The following CADM2 variants were observed in gnomAD, a reference collection of about 807,000 sequenced individuals.
CADM2 encodes the protein immunoglobulin superfamily member 4D.
In CADM2, 12 loss-of-function variants were observed where a neutral mutation model predicts 49.8. That is an observed-to-expected ratio of 0.24 (90% confidence interval 0.15 to 0.39). CADM2 has a LOEUF of 0.39. Ranked by LOEUF, CADM2 falls within the 10% of genes least tolerant of loss-of-function variation. The pLI, the probability that CADM2 is intolerant of heterozygous loss-of-function variation, is 1.00. For missense variants in CADM2, 378 were observed against 492.3 expected (o/e 0.77, Z 2.20); for synonymous variants, 214 against 175.4 (o/e 1.22, Z -1.74).
chr3:85,639,124 T>A (rs1344063896), intron 1 of CADM2, among the ~76,000 whole-genome samples: 1 of 152,222 alleles, frequency 6.6e-6, no homozygotes, highest in Non-Finnish European at 1.5e-5. Flanking sequence ...AAATGAACAT[T>A]ATTTTAAATT....
intron 1 of CADM2, among the ~76,000 whole-genome samples, chr3:85,001,564 C>A (rs2033464088): frequency 6.6e-6 from 1 of 151,940 alleles, no homozygotes; most frequent in Non-Finnish European, 1.5e-5. Flanking sequence ...ATTTTTTGCT[C>A]ACCTAGAGAT....
intron 1 of CADM2, among the ~76,000 whole-genome samples, chr3:85,049,422 C>T (rs2035794179): frequency 6.6e-6 from 1 of 151,760 alleles, no homozygotes; most frequent in African/African-American, 2.4e-5. Context: ...GCGATCTCAG[C>T]TCACTGCAAG....
At chr3:84,983,178 T>C (rs1182029082) in intron 1 of CADM2, among the ~76,000 whole-genome samples, 1 of 152,186 alleles carries the variant, frequency 6.6e-6, no homozygotes, top group Non-Finnish European at 1.5e-5. Context: ...TTTTGCAATG[T>C]ATCATTTTTG....
intron 8 of CADM2, chr3:86,013,402 C>A: frequency 6.5e-7 from 1 of 1,541,382 alleles, no homozygotes; most frequent in Non-Finnish European, 8.9e-7. Context: ...GGACAGGAGG[C>A]CGAAGAAATC....
chr3:85,739,853 A>G (rs2068304860), intron 2 of CADM2, among the ~76,000 whole-genome samples: 1 of 152,188 alleles, frequency 6.6e-6, no homozygotes, highest in Admixed American at 6.5e-5. Flanking sequence ...TTAAATGTGA[A>G]TCCTTATTAT....
At chr3:85,858,096 G>A (rs185808880) in intron 3 of CADM2, among the ~76,000 whole-genome samples, 1 of 152,294 alleles carries the variant, frequency 6.6e-6, no homozygotes, top group East Asian at 1.9e-4. Flanking sequence ...TGTTTTGGCT[G>A]TAAAATTGTA....
intron 1 of CADM2, among the ~76,000 whole-genome samples, chr3:85,049,451 C>A (rs1303641337): frequency 6.6e-6 from 1 of 151,618 alleles, no homozygotes; most frequent in East Asian, 1.9e-4. Flanking sequence ...CCCGGGTTCA[C>A]GCCATTCTCC....
intron 3 of CADM2, among the ~76,000 whole-genome samples, chr3:85,867,666 T>TAAG (rs71112124): frequency 1 from 152,106 of 152,154 alleles, 76,029 homozygotes; most frequent in Middle Eastern, 1. Context: ...CATAAGAACT[T>TAAG]AAGCATTTAG....
intron 1 of CADM2, among the ~76,000 whole-genome samples, chr3:85,682,592 A>T (rs2066070829): frequency 6.6e-6 from 1 of 152,104 alleles, no homozygotes; most frequent in South Asian, 2.1e-4. Context: ...CATTGTGTAT[A>T]AATTATTAAA....
At chr3:85,321,156 T>A (rs1267336544) in intron 1 of CADM2, among the ~76,000 whole-genome samples, 1 of 60,456 alleles carries the variant, frequency 1.7e-5, no homozygotes, top group African/African-American at 7.8e-5. Flanking sequence ...TTTTTTTTTT[T>A]TTTTTTTTTT....
In CADM2 at chr3:84,959,503, C is replaced by A; in HGVS notation, c.-105C>A. The A allele has an allele frequency of 8.9e-7, 1 of 1,127,780 alleles. No homozygotes were observed. The highest frequency in any genetic ancestry group is 1.3e-6 in the Non-Finnish European group (1 of 789,514). 69.9% of individuals were successfully genotyped at this position (1,127,780 alleles called of 1,614,324 possible). A position where few individuals can be genotyped will look rare whatever the true frequency, so the allele number is the denominator to read the frequency against. The stretch of plus-strand genomic sequence containing the variant: ...GCAGCGGTGGGGACGGTGGGTCCGG[C>A]GGGCGCCGGGAGGAGGACACCAGCG... On this transcript the variant is annotated 5_prime_UTR_variant, in exon 1 of 10. Coordinates refer to ENST00000383699, the MANE Select transcript of CADM2 (RefSeq NM_001167675.2).
intron 1 of CADM2, among the ~76,000 whole-genome samples, chr3:85,320,526 A>G (rs2044572437): frequency 6.6e-6 from 1 of 152,280 alleles, no homozygotes; most frequent in South Asian, 2.1e-4. Context: ...CCCTGACATC[A>G]GTTTGGTTCA....
chr3:85,710,941 A>G (rs912515979), intron 1 of CADM2, among the ~76,000 whole-genome samples: 1 of 152,138 alleles, frequency 6.6e-6, no homozygotes, highest in Non-Finnish European at 1.5e-5. Context: ...AAATCATGCC[A>G]GGTGGGATTT....
intron 1 of CADM2, among the ~76,000 whole-genome samples, chr3:84,984,744 AC>A (rs1314294151): frequency 6.6e-6 from 1 of 152,188 alleles, no homozygotes; most frequent in Non-Finnish European, 1.5e-5. Flanking sequence ...CTGGCCACTT[AC>A]TGCTAGCTAC....
At position 85,609,408 on chromosome 3, in the gene CADM2, G is replaced by T. The variant is rs887518844; in HGVS notation, c.62-117114G>T. 5.3e-5 allele frequency among the ~76,000 whole-genome samples: 8 copies of T among 152,184 alleles called. No homozygotes were observed. The East Asian group carries it at 1.5e-3, about 29-fold the overall frequency. ...TAAGCAGGAAGAACAGTATATGATA[G>T]ATTGAGACCATAACTCTTGGTGTTT... On this transcript the variant is annotated intron_variant, in intron 1 of 9. Coordinates refer to ENST00000383699, the MANE Select transcript of CADM2 (RefSeq NM_001167675.2).
At chr3:85,697,316 GATATATA>G (rs2107698049) in intron 1 of CADM2, among the ~76,000 whole-genome samples, 1 of 151,964 alleles carries the variant, frequency 6.6e-6, no homozygotes, top group South Asian at 2.1e-4. Context: ...TTAGCTGACA[GATATATA>G]AAGTGACATG....
In CADM2 at chr3:85,852,873, G is replaced by A. The variant is rs2075163585; in HGVS notation, c.239-30418G>A. ...GCCCCATCATCTAACTCAGCACCTGGCATACAACATTCAATCAATAAATTT... is the reference window on the plus strand; with the variant it reads ...GCCCCATCATCTAACTCAGCACCTGACATACAACATTCAATCAATAAATTT... On this transcript the variant is annotated intron_variant, in intron 3 of 9. Coordinates refer to ENST00000383699, the MANE Select transcript of CADM2 (RefSeq NM_001167675.2). Among the ~76,000 whole-genome samples the A allele has an allele frequency of 1.3e-5, 2 of 151,912 alleles. 1 individual carries two copies. The highest frequency in any genetic ancestry group is 4.8e-5 in the African/African-American group (2 of 41,412).
intron 1 of CADM2, among the ~76,000 whole-genome samples, chr3:85,118,883 G>C (rs536429441): frequency 2.6e-5 from 4 of 152,070 alleles, no homozygotes; most frequent in African/African-American, 7.2e-5. Flanking sequence ...CTGAGTAGCT[G>C]GGATTACAGG....
At chr3:85,385,257 C>G (rs1355322600) in intron 1 of CADM2, among the ~76,000 whole-genome samples, 2 of 152,026 alleles carry the variant, frequency 1.3e-5, no homozygotes, top group Non-Finnish European at 2.9e-5. Flanking sequence ...ATTTTTTATT[C>G]ATTTACATTT....
Sources: gnomAD v4.1 joint callset for allele counts (sites outside exome capture counted in the v4.1 genomes callset) on GRCh38, gnomAD v4.1.1 for gene constraint, MANE v1.5 for transcripts, NCBI Gene and HGNC (gene_info 2026-07-23, HGNC 2026-07-21) for gene names.